Variants in B3GALT1 observed in about 807,000 individuals in gnomAD.
B3GALT1 encodes UDP-Gal:betaGlcNAc beta 1,3-galactosyltransferase, polypeptide 1.
B3GALT1 carries 10 observed loss-of-function variants against 23.2 expected under a neutral mutation model. The ratio of observed to expected loss-of-function variants is 0.43; its 90% CI spans 0.27 to 0.73. The LOEUF is 0.73. Ranked by LOEUF, B3GALT1 falls within the 30% of genes least tolerant of loss-of-function variation. The pLI is 0.21. For missense variants in B3GALT1, 299 were observed against 405.4 expected (o/e 0.74, Z 2.25); for synonymous variants, 156 against 141.5 (o/e 1.10, Z -0.73).
At chr2:167,736,928 T>C (rs901730449) in intron 3 of B3GALT1, among the ~76,000 whole-genome samples, 1 of 143,336 alleles carries the variant, frequency 7.0e-6, no homozygotes, top group African/African-American at 2.6e-5. Flanking sequence ...TGAGACTCTG[T>C]CCCCCCCTTC....
intron 1 of B3GALT1, among the ~76,000 whole-genome samples, chr2:167,416,131 TG>T (rs1449635503): frequency 6.6e-6 from 1 of 152,058 alleles, no homozygotes; most frequent in African/African-American, 2.4e-5. Flanking sequence ...ACCATCAAGG[TG>T]GTAGAAGAAG....
At chr2:167,689,804 A>C (rs1410201910) in intron 3 of B3GALT1, among the ~76,000 whole-genome samples, 1 of 152,132 alleles carries the variant, frequency 6.6e-6, no homozygotes, top group East Asian at 1.9e-4. Context: ...TGAGGGAAGA[A>C]TCAACAGGAT....
chr2:167,823,365 A>C (rs1689147377), intron 4 of B3GALT1, among the ~76,000 whole-genome samples: 1 of 152,220 alleles, frequency 6.6e-6, no homozygotes, highest in African/African-American at 2.4e-5. Context: ...AACTAAAAAA[A>C]AAATCATTCT....
At chr2:167,804,137 G>C (rs1688697809) in intron 3 of B3GALT1, among the ~76,000 whole-genome samples, 1 of 151,876 alleles carries the variant, frequency 6.6e-6, no homozygotes, top group Non-Finnish European at 1.5e-5. Flanking sequence ...TTACAGGTGG[G>C]CACCACCACG....
intron 2 of B3GALT1, among the ~76,000 whole-genome samples, chr2:167,515,301 A>G (rs1429442594): frequency 6.6e-6 from 1 of 152,176 alleles, no homozygotes; most frequent in Middle Eastern, 3.2e-3. Flanking sequence ...ATCTACTTCA[A>G]GTGTTATTAT....
intron 2 of B3GALT1, among the ~76,000 whole-genome samples, chr2:167,615,834 G>A (rs1249973579): frequency 6.6e-6 from 1 of 151,990 alleles, no homozygotes; most frequent in African/African-American, 2.4e-5. Flanking sequence ...GTGGTAGGGT[G>A]CTTTATTATC....
chr2:167,293,718 G>T (rs1319835767), intron 1 of B3GALT1, among the ~76,000 whole-genome samples: 1 of 152,082 alleles, frequency 6.6e-6, no homozygotes, highest in African/African-American at 2.4e-5. Flanking sequence ...CGCACGGAGC[G>T]CACGGGAAAG....
At position 167,442,331 on chromosome 2, in the gene B3GALT1, A is replaced by G. The variant is rs567080713; in HGVS notation, c.-510-47846A>G. Among the ~76,000 whole-genome samples, 889 of 152,292 alleles carry G rather than the reference A, an allele frequency of 5.8e-3. 6 individuals are homozygous for G. The highest frequency in any genetic ancestry group is 0.011 in the Admixed American group (163 of 15,294). On this transcript the variant is annotated intron_variant, in intron 1 of 4. Coordinates refer to ENST00000392690, the MANE Select transcript of B3GALT1 (RefSeq NM_020981.4). ...CTTTGCTATTGTGAATAATGCCGCA[A>G]TAAACATACGTGTGCATGTGTCTTT...
At chr2:167,816,710 G>C (rs929871883) in intron 3 of B3GALT1, among the ~76,000 whole-genome samples, 1 of 152,162 alleles carries the variant, frequency 6.6e-6, no homozygotes, top group African/African-American at 2.4e-5. Flanking sequence ...AAATATCGTA[G>C]AGTAAAATCT....
chr2:167,768,164 C>T (rs551475833), intron 3 of B3GALT1, among the ~76,000 whole-genome samples: 7 of 152,332 alleles, frequency 4.6e-5, no homozygotes, highest in African/African-American at 1.7e-4. Flanking sequence ...CTTACAGACA[C>T]ATCCAAAAAT....
Position 167,870,030 on chromosome 2 carries a change from C to A in B3GALT1, c.*10C>A. Reference sequence around the variant, plus strand: ...ACATCTCAGATGTTAGGATTTTTACCAATGTAAATATGTTTCTTTTCTTTT... The same window carrying A: ...ACATCTCAGATGTTAGGATTTTTACAAATGTAAATATGTTTCTTTTCTTTT... On this transcript the variant is annotated 3_prime_UTR_variant, in exon 5 of 5. Transcript: ENST00000392690. 6.3e-7 allele frequency: 1 copy of A among 1,577,412 alleles called. No individual in the cohort carries two copies. The highest frequency in any genetic ancestry group is 1.2e-5 in the South Asian group (1 of 86,786).
intron 1 of B3GALT1, among the ~76,000 whole-genome samples, chr2:167,437,641 G>T (rs1030518522): frequency 2.6e-5 from 4 of 152,096 alleles, no homozygotes; most frequent in Non-Finnish European, 5.9e-5. Flanking sequence ...AAATTTTGAG[G>T]CCCTGGCTCA....
chr2:167,604,651 G>A (rs734284), intron 2 of B3GALT1, among the ~76,000 whole-genome samples: 123,039 of 152,006 alleles, frequency 0.81, 49,876 homozygotes, highest in Admixed American at 0.88. Context: ...CTTTAAGGAG[G>A]TAACTAGTCA....
intron 3 of B3GALT1, among the ~76,000 whole-genome samples, chr2:167,745,448 G>A (rs1055087961): frequency 8.5e-5 from 13 of 152,124 alleles, no homozygotes; most frequent in Non-Finnish European, 1.6e-4. Context: ...CTTCTATGAA[G>A]TATATAACTT....
At chr2:167,413,748 T>C (rs190623517) in intron 1 of B3GALT1, among the ~76,000 whole-genome samples, 1 of 152,168 alleles carries the variant, frequency 6.6e-6, no homozygotes, top group African/African-American at 2.4e-5. Context: ...TCTTTTGGTT[T>C]ATGTCGTTTA....
At chr2:167,595,906 A>G (rs1684766404) in intron 2 of B3GALT1, among the ~76,000 whole-genome samples, 1 of 152,182 alleles carries the variant, frequency 6.6e-6, no homozygotes, top group Non-Finnish European at 1.5e-5. Context: ...AGAGGGATTT[A>G]AGCTTTTCAG....
intron 1 of B3GALT1, among the ~76,000 whole-genome samples, chr2:167,393,402 G>C (rs12474865): frequency 1.1e-4 from 17 of 151,916 alleles, no homozygotes; most frequent in Middle Eastern, 3.4e-3. Context: ...TGGATGCTAA[G>C]AGGAGGGATT....
At chr2:167,419,641 A>T (rs140219256) in intron 1 of B3GALT1, among the ~76,000 whole-genome samples, 5 of 152,342 alleles carry the variant, frequency 3.3e-5, no homozygotes, top group East Asian at 1.9e-4. Flanking sequence ...ATCATCATTC[A>T]TACCCAAATA....
intron 3 of B3GALT1, among the ~76,000 whole-genome samples, chr2:167,797,150 C>T (rs112618771): frequency 0.027 from 4,085 of 152,236 alleles, 170 homozygotes; most frequent in African/African-American, 0.089. Context: ...CAACAGGCCC[C>T]AGTGTGTGTT....
Sources: gnomAD v4.1 joint callset for allele counts (sites outside exome capture counted in the v4.1 genomes callset) on GRCh38, gnomAD v4.1.1 for gene constraint, MANE v1.5 for transcripts, NCBI Gene and HGNC (gene_info 2026-07-23, HGNC 2026-07-21) for gene names.